Variants in CDK19 observed in about 807,000 individuals in gnomAD.
The protein encoded by CDK19 is cyclin-dependent kinase 19.
CDK19 carries 20 observed loss-of-function variants against 68.3 expected under a neutral mutation model. The observed-to-expected ratio is 0.29, with a 90% CI of 0.21 to 0.43. The LOEUF is 0.43. Among genes scored for constraint, CDK19 ranks in the 20% least tolerant of loss-of-function variants. The probability of loss-of-function intolerance (pLI) is 1.00; values close to 1 mark genes in which losing one functional copy is unlikely to be tolerated. For synonymous variants in CDK19, 221 were observed against 222.8 expected (o/e 0.99, Z 0.07); for missense variants, 339 against 623.5 (o/e 0.54, Z 4.86).
intron 1 of CDK19, among the ~76,000 whole-genome samples, chr6:110,778,475 G>A (rs929287497): frequency 2.0e-5 from 3 of 152,110 alleles, no homozygotes; most frequent in African/African-American, 7.2e-5. Context: ...ATAACCACTG[G>A]AGTCCTCTAG....
chr6:110,759,428 A>AATATATATATATATATATATATATATAT (rs34490988), intron 1 of CDK19, among the ~76,000 whole-genome samples: 1 of 50,900 alleles, frequency 2.0e-5, no homozygotes, highest in African/African-American at 8.7e-5. Context: ...AAAAAAAAAA[A>AATATATATATATATATATATATATATAT]ATATATATAT....
intron 4 of CDK19, among the ~76,000 whole-genome samples, chr6:110,640,224 C>A (rs1338160471): frequency 8.9e-6 from 1 of 111,876 alleles, no homozygotes; most frequent in East Asian, 2.5e-4. Context: ...AGAGCAAGAC[C>A]CTGTCACAAA....
At chr6:110,646,515 C>G (rs1439616537) in intron 4 of CDK19, 3 of 1,326,774 alleles carry the variant, frequency 2.3e-6, no homozygotes, top group African/African-American at 1.5e-5. Flanking sequence ...CCCTGGGAAA[C>G]CGACGTGCGC....
At chr6:110,741,324 T>C (rs1777646815) in intron 2 of CDK19, among the ~76,000 whole-genome samples, 1 of 151,406 alleles carries the variant, frequency 6.6e-6, no homozygotes, top group Non-Finnish European at 1.5e-5. Context: ...TAGCTGAGCA[T>C]GGTGGTGCAT....
intron 4 of CDK19, chr6:110,646,532 C>A: frequency 8.0e-7 from 1 of 1,257,014 alleles, no homozygotes; most frequent in Non-Finnish European, 1.1e-6. Flanking sequence ...GCGCCTCCAC[C>A]TGCAACAGGT....
chr6:110,619,975 A>C (rs561200963), intron 12 of CDK19, among the ~76,000 whole-genome samples: 1 of 152,348 alleles, frequency 6.6e-6, no homozygotes, highest in African/African-American at 2.4e-5. Context: ...TATAGTAAGC[A>C]TTTGTTGCTC....
chr6:110,765,961 G>A (rs1779556560), intron 1 of CDK19, among the ~76,000 whole-genome samples: 1 of 152,084 alleles, frequency 6.6e-6, no homozygotes, highest in Non-Finnish European at 1.5e-5. Flanking sequence ...ATGTTGGCAA[G>A]GAGGCAGAGA....
chr6:110,630,891 G>A (rs557759021), intron 6 of CDK19, among the ~76,000 whole-genome samples: 1 of 152,186 alleles, frequency 6.6e-6, no homozygotes, highest in Non-Finnish European at 1.5e-5. Context: ...AATGTGTTCT[G>A]GTGTCTGAGT....
chr6:110,813,459 T>C (rs1358192847), intron 1 of CDK19: 4 of 152,200 alleles, frequency 2.6e-5, no homozygotes, highest in Non-Finnish European at 5.9e-5. Flanking sequence ...ATATAACTGA[T>C]AAAATTCCCA....
chr6:110,664,502 T>A (rs1402833233), intron 4 of CDK19, among the ~76,000 whole-genome samples: 1 of 152,186 alleles, frequency 6.6e-6, no homozygotes, highest in Non-Finnish European at 1.5e-5. Flanking sequence ...GTTGTTCCCA[T>A]CCCTCTGTGC....
chr6:110,734,535 C>CTCTCTCTCTCTCTCTG (rs1777069420), intron 2 of CDK19, among the ~76,000 whole-genome samples: 1 of 147,830 alleles, frequency 6.8e-6, no homozygotes, highest in South Asian at 2.2e-4. Context: ...CTCTCTCTCT[C>CTCTCTCTCTCTCTCTG]TCTCTCTCTC....
intron 6 of CDK19, among the ~76,000 whole-genome samples, chr6:110,631,118 T>G (rs1034607140): frequency 2.6e-5 from 4 of 152,222 alleles, no homozygotes; most frequent in African/African-American, 9.6e-5. Context: ...TTGCAGTGCC[T>G]TTATTAAATA....
At chr6:110,740,122 A>C (rs1777544585) in intron 2 of CDK19, among the ~76,000 whole-genome samples, 1 of 564 alleles carries the variant, frequency 1.8e-3, no homozygotes, top group South Asian at 0.25. Context: ...AGAATATACA[A>C]AAAAAAAATG....
chr6:110,742,832 C>T (rs1417942873), intron 2 of CDK19, among the ~76,000 whole-genome samples: 1 of 152,190 alleles, frequency 6.6e-6, no homozygotes, highest in African/African-American at 2.4e-5. Context: ...AATACGTGCA[C>T]AGCGGGACAT....
At chr6:110,729,154 T>C (rs923438307) in intron 2 of CDK19, among the ~76,000 whole-genome samples, 1 of 152,172 alleles carries the variant, frequency 6.6e-6, no homozygotes, top group African/African-American at 2.4e-5. Flanking sequence ...TTATACAAGA[T>C]CACAGACCTA....
chr6:110,759,652 T>A (rs1466644239), intron 1 of CDK19, among the ~76,000 whole-genome samples: 1 of 151,464 alleles, frequency 6.6e-6, no homozygotes, highest in Non-Finnish European at 1.5e-5. Flanking sequence ...AAATAAAATA[T>A]TAACACTGGA....
intron 1 of CDK19, among the ~76,000 whole-genome samples, chr6:110,781,687 T>C (rs1009838027): frequency 6.6e-6 from 1 of 151,564 alleles, no homozygotes; most frequent in Admixed American, 6.6e-5. Flanking sequence ...TACAAAAAAA[T>C]ACAAAAATTA....
chr6:110,645,677 T>C (rs1431786609), intron 4 of CDK19: 2 of 372,284 alleles, frequency 5.4e-6, no homozygotes, highest in East Asian at 6.8e-5. Flanking sequence ...ATAAGACACT[T>C]TGTCCCCTCC....
In CDK19 at chr6:110,731,135, G is replaced by A. The variant is rs868620171; in HGVS notation, c.204+14991C>T. ...GAAAGGAAAAGAAAAGAAAAGAAAA[G>A]AAAAAAGAAAAGAAAAGAAAAGAAA... On this transcript the variant is annotated intron_variant, in intron 2 of 12. Transcript: ENST00000368911. Among the ~76,000 whole-genome samples the A allele has an allele frequency of 8.1e-5, 10 of 124,006 alleles. No homozygotes were observed. The South Asian group carries it at 1.5e-3, about 18-fold the overall frequency. The allele number at this position is 124,006 out of a possible 152,430, so 81.4% of individuals were successfully genotyped here. A position where few individuals can be genotyped will look rare whatever the true frequency, so the allele number is the denominator to read the frequency against.
Sources: gnomAD v4.1 joint callset for allele counts (sites outside exome capture counted in the v4.1 genomes callset) on GRCh38, gnomAD v4.1.1 for gene constraint, MANE v1.5 for transcripts, NCBI Gene and HGNC (gene_info 2026-07-23, HGNC 2026-07-21) for gene names.